The following FADS6 variants were observed in gnomAD, a reference collection of about 807,000 sequenced individuals.
FADS6 encodes fatty acid desaturase 6, also known as fatty acid desaturase domain family, member 6.
A neutral mutation model predicts 31.7 loss-of-function variants in FADS6; 28 were observed. The observed-to-expected ratio is 0.88, with a 90% confidence interval of 0.66 to 1.21. FADS6 has a LOEUF of 1.21. FADS6 is among the 50% of genes most tolerant of loss of function. The probability of loss-of-function intolerance (pLI) is 0.00; values close to 1 mark genes in which losing one functional copy is unlikely to be tolerated. For synonymous variants in FADS6, 191 were observed against 213.1 expected, an observed-to-expected ratio of 0.90 and a Z score of 0.90; for missense variants, 494 against 504.2, an observed-to-expected ratio of 0.98 and a Z score of 0.19.
downstream of FADS6, among the ~76,000 whole-genome samples, chr17:74,876,302 G>A (rs1253359257): frequency 6.6e-6 from 1 of 152,098 alleles, no homozygotes; most frequent in African/African-American, 2.4e-5. Context: ...CTCTATCCAA[G>A]GCCTTCACTG....
At chr17:74,892,046 G>A (rs529706747) in intron 2 of FADS6, among the ~76,000 whole-genome samples, 1 of 152,224 alleles carries the variant, frequency 6.6e-6, no homozygotes, top group Non-Finnish European at 1.5e-5. Flanking sequence ...AGGGGTGGAA[G>A]AAGGGAGGGC....
chr17:74,888,669 G>T (rs2038657095), intron 2 of FADS6, among the ~76,000 whole-genome samples: 1 of 152,194 alleles, frequency 6.6e-6, no homozygotes, highest in Non-Finnish European at 1.5e-5. Flanking sequence ...GCAGCACAAA[G>T]CCGACTTCAC....
intron 2 of FADS6, among the ~76,000 whole-genome samples, chr17:74,890,633 A>C (rs2038679561): frequency 6.6e-6 from 1 of 152,268 alleles, no homozygotes; most frequent in East Asian, 1.9e-4. Context: ...AATATTGCCA[A>C]GAGCTCAAGT....
At chr17:74,876,784 G>A (rs182132447), downstream of FADS6, among the ~76,000 whole-genome samples, 20 of 152,132 alleles carry the variant, frequency 1.3e-4, no homozygotes, top group Middle Eastern at 3.4e-3. Context: ...GCGACAGAGC[G>A]AGACTCCATC....
At position 74,882,675 on chromosome 17, in the gene FADS6, A is replaced by G; in HGVS notation, c.447T>C (p.His149=). The change falls in exon 3 of 6, where the codon CAT becomes CAC. Residue 149 remains histidine, a synonymous_variant. Transcript: ENST00000612771. The part of the protein sequence containing the change: ...CTAFTAEHAT[H]GHVKMHHAYT... ...AGGCATGGTGCATCTTGACGTGCCC[A>G]TGCGTGGCGTGCTCTGCAGTGAAGG... 6.2e-7 allele frequency: 1 copy of G among 1,611,402 alleles called. No homozygotes were observed. The highest frequency in any genetic ancestry group is 8.5e-7 in the Non-Finnish European group (1 of 1,179,078).
At chr17:74,886,615 C>A (rs1421421033) in intron 2 of FADS6, among the ~76,000 whole-genome samples, 1 of 152,146 alleles carries the variant, frequency 6.6e-6, no homozygotes, top group African/African-American at 2.4e-5. Context: ...TTTTTGAATT[C>A]TGAATCATGT....
chr17:74,877,712 A>G lies in FADS6; in HGVS notation c.*619T>C. 1 of 985,442 alleles carries G rather than the reference A, an allele frequency of 1.0e-6. No individual in the cohort carries two copies. The highest frequency in any genetic ancestry group is 1.2e-6 in the Non-Finnish European group (1 of 830,004). The allele number at this position is 985,442 out of a possible 1,614,324, so 61.0% of individuals were successfully genotyped here. A position where few individuals can be genotyped will look rare whatever the true frequency, so the allele number is the denominator to read the frequency against. ...TCCCCTGGAGTTCCCTCCCGACAAA[A>G]CACACTCACTTTTATCTTGCTGATA... is the stretch of plus-strand genomic sequence containing the variant. On this transcript the variant is annotated 3_prime_UTR_variant, in exon 6 of 6. Transcript: ENST00000612771.
intron 2 of FADS6, chr17:74,882,992 G>T: frequency 1.5e-6 from 1 of 646,718 alleles, no homozygotes; most frequent in Non-Finnish European, 2.5e-6. Flanking sequence ...GCCAGTGACT[G>T]CCCAGGCAAT....
intron 2 of FADS6, chr17:74,882,929 A>G: frequency 7.6e-7 from 1 of 1,307,982 alleles, no homozygotes; most frequent in South Asian, 1.5e-5. Context: ...CCGTTTGACG[A>G]GGCTCTGCAA....
At chr17:74,891,370 C>G (rs534906325) in intron 2 of FADS6, among the ~76,000 whole-genome samples, 1 of 152,102 alleles carries the variant, frequency 6.6e-6, no homozygotes, top group Non-Finnish European at 1.5e-5. Context: ...CCAAACATAG[C>G]TCATTCTGCC....
At chr17:74,889,951 G>C (rs1471840382) in intron 2 of FADS6, among the ~76,000 whole-genome samples, 4 of 148,938 alleles carry the variant, frequency 2.7e-5, no homozygotes, top group African/African-American at 7.4e-5. Context: ...TAACTCCAGA[G>C]AAAGAAAGTG....
At chr17:74,882,487 G>GT in intron 3 of FADS6, 43 bp downstream of exon 3, 7 of 1,559,366 alleles carry the variant, frequency 4.5e-6, no homozygotes, top group Non-Finnish European at 6.1e-6. Context: ...AGGGGAACTA[G>GT]GTCCATGCAG....
chr17:74,878,223 T>G lies in FADS6; in HGVS notation c.*108A>C, dbSNP rs548793678. On this transcript the variant is annotated 3_prime_UTR_variant, in exon 6 of 6. Coordinates refer to ENST00000612771, the MANE Select transcript of FADS6 (RefSeq NM_178128.6). ...CCCCCTGCCTGGCCGGTGCCTCCACTCTCCAGGTCCACCACCAGCCACTGA... is the reference window on the plus strand; with the variant it reads ...CCCCCTGCCTGGCCGGTGCCTCCACGCTCCAGGTCCACCACCAGCCACTGA... 1.6e-3 allele frequency: 2,377 copies of G among 1,452,510 alleles called. 76 individuals carry two copies. In the South Asian group the frequency reaches 0.031, roughly 19 times the overall value. The allele number at this position is 1,452,510 out of a possible 1,614,324, so 90.0% of individuals were successfully genotyped here. A position where few individuals can be genotyped will look rare whatever the true frequency, so the allele number is the denominator to read the frequency against.
chr17:74,878,415 G>T lies in FADS6; in HGVS notation c.1023C>A (p.Tyr341Ter), dbSNP rs1158971491. The T allele has an allele frequency of 1.2e-6, 2 of 1,614,052 alleles. No homozygotes were observed. Among genetic ancestry groups the T allele is most frequent in the Non-Finnish European group, 1.7e-6 (2 of 1,179,894 alleles). ...EKQLPYNEDS[Y>*]LARFQLFLRR... is the part of the protein sequence containing the mutation. ...GGAGAAACAGCTGGAAGCGAGCCAGGTATGAGTCCTCGTTGTACGGTAGCT... is the reference window on the plus strand; with the variant it reads ...GGAGAAACAGCTGGAAGCGAGCCAGTTATGAGTCCTCGTTGTACGGTAGCT... Residue 341 changes from tyrosine to a stop codon, truncating the protein, a stop_gained, in exon 6 of 6, where the codon TAC becomes TAA. Transcript: ENST00000612771. LOFTEE classifies it high-confidence loss of function.
intron 5 of FADS6, chr17:74,879,136 C>G (rs2038538943): frequency 5.0e-6 from 2 of 399,276 alleles, no homozygotes; most frequent in Non-Finnish European, 9.1e-6. Context: ...CCTCTGCAGA[C>G]TCAGGTGGTC....
chr17:74,877,982 A>C lies in FADS6; in HGVS notation c.*349T>G, dbSNP rs1170419058. On this transcript the variant is annotated 3_prime_UTR_variant, in exon 6 of 6. Coordinates refer to ENST00000612771, the MANE Select transcript of FADS6 (RefSeq NM_178128.6). ...GCTATCTCCCAGGTGGCCCCTGCAC[A>C]GGATCCCTCTTCACCCTGTCACCTC... The C allele has an allele frequency of 6.8e-6, 7 of 1,034,058 alleles. No individual in the cohort carries two copies. Among genetic ancestry groups the C allele is most frequent in the Non-Finnish European group, 8.1e-6 (7 of 861,874 alleles). 64.1% of individuals were successfully genotyped at this position (1,034,058 alleles called of 1,614,324 possible).
At chr17:74,875,663 T>C (rs1007273031), downstream of FADS6, among the ~76,000 whole-genome samples, 3 of 152,276 alleles carry the variant, frequency 2.0e-5, no homozygotes, top group African/African-American at 7.2e-5. Flanking sequence ...GGGCCTTTTC[T>C]GCCACTGCGT....
intron 2 of FADS6, among the ~76,000 whole-genome samples, chr17:74,888,111 G>A (rs1448627401): frequency 6.7e-6 from 1 of 150,034 alleles, no homozygotes; most frequent in Non-Finnish European, 1.5e-5. Context: ...GCATGGTGTA[G>A]GTGGAGCTGA....
At chr17:74,877,121 C>G (rs1567923146), downstream of FADS6, among the ~76,000 whole-genome samples, 5 of 152,194 alleles carry the variant, frequency 3.3e-5, no homozygotes, top group South Asian at 1.0e-3. Context: ...TGCACCCCAC[C>G]CTCCTCCCAT....
Sources: allele counts gnomAD v4.1 joint callset (sites outside exome capture counted in the v4.1 genomes callset), GRCh38; gene constraint gnomAD v4.1.1; transcripts MANE v1.5; gene names NCBI Gene and HGNC (gene_info 2026-07-23, HGNC 2026-07-21).